The following DGKI variants were observed in gnomAD, a reference collection of about 807,000 sequenced individuals.
DGKI encodes diacylglycerol kinase iota.
In DGKI, 55 loss-of-function variants were observed where a neutral mutation model predicts 147.5. That is an observed-to-expected ratio of 0.37 (90% CI 0.30 to 0.47). DGKI has a LOEUF of 0.47. Among genes scored for constraint, DGKI ranks in the 20% least tolerant of loss-of-function variants. The pLI, the probability that DGKI is intolerant of heterozygous loss-of-function variation, is 1.00. For synonymous variants in DGKI, 469 were observed against 477.1 expected, an observed-to-expected ratio of 0.98 and a Z score of 0.22; for missense variants, 1,007 against 1,323.8, an observed-to-expected ratio of 0.76 and a Z score of 3.71.
chr7:137,753,841 A>C (rs2116770474), intron 1 of DGKI, among the ~76,000 whole-genome samples: 1 of 152,276 alleles, frequency 6.6e-6, no homozygotes, highest in Non-Finnish European at 1.5e-5. Context: ...TTTGAGAGTA[A>C]ATGCCACCAG....
chr7:137,447,389 T>C (rs969809686), intron 27 of DGKI, among the ~76,000 whole-genome samples: 1 of 151,958 alleles, frequency 6.6e-6, no homozygotes, highest in Non-Finnish European at 1.5e-5. Context: ...TATATAATGA[T>C]CAAAATATAT....
rs1811062307 is a variant in DGKI, at chr7:137,381,590, A to C, written c.*9630T>G. 6.6e-6 allele frequency: 1 copy of C among 151,946 alleles called. No individual in the cohort carries two copies. Among genetic ancestry groups the C allele is most frequent in the South Asian group, 2.1e-4 (1 of 4,810 alleles). The allele number at this position is 151,946 out of a possible 1,614,324, so 9.4% of individuals were successfully genotyped here. A position where few individuals can be genotyped will look rare whatever the true frequency, so the allele number is the denominator to read the frequency against. On this transcript the variant is annotated 3_prime_UTR_variant, in exon 33 of 33. Transcript: ENST00000614521. ...GTTTTCCCACTCAGAAATCAAATTA[A>C]ATCAAATATATTCATTCTTTTAGAA...
intron 1 of DGKI, among the ~76,000 whole-genome samples, chr7:137,736,714 CAAA>C (rs1340898130): frequency 6.6e-6 from 1 of 151,954 alleles, no homozygotes; most frequent in African/African-American, 2.4e-5. Flanking sequence ...CTGTGGGTTA[CAAA>C]AATAGCATAA....
At chr7:137,746,774 G>A (rs1172684761) in intron 1 of DGKI, among the ~76,000 whole-genome samples, 2 of 152,010 alleles carry the variant, frequency 1.3e-5, no homozygotes, top group Admixed American at 6.6e-5. Context: ...GCTGTTCCTT[G>A]GGTTTGGCTG....
chr7:137,737,222 AAAAAT>A (rs1270948068), intron 1 of DGKI, among the ~76,000 whole-genome samples: 4 of 151,310 alleles, frequency 2.6e-5, no homozygotes, highest in African/African-American at 9.7e-5. Context: ...AAAAAAAAAA[AAAAAT>A]ACATACAAAT....
chr7:137,532,864 A>C (rs1817388684), intron 20 of DGKI, among the ~76,000 whole-genome samples: 1 of 152,212 alleles, frequency 6.6e-6, no homozygotes, highest in Non-Finnish European at 1.5e-5. Flanking sequence ...TGACAGAATA[A>C]AGACATTTCT....
At chr7:137,450,837 A>G (rs546585306) in intron 27 of DGKI, among the ~76,000 whole-genome samples, 1 of 151,860 alleles carries the variant, frequency 6.6e-6, no homozygotes. Flanking sequence ...ATGAATCTTG[A>G]TCTGAATATT....
At chr7:137,410,341 C>G (rs905773014) in intron 29 of DGKI, among the ~76,000 whole-genome samples, 1 of 152,160 alleles carries the variant, frequency 6.6e-6, no homozygotes, top group Non-Finnish European at 1.5e-5. Flanking sequence ...GGAGGCGGAG[C>G]TTGCAGTGAG....
At chr7:137,463,713 A>G in intron 26 of DGKI, 102 bp from the exon 27 acceptor site, 1 of 1,378,396 alleles carries the variant, frequency 7.3e-7, no homozygotes, top group Non-Finnish European at 9.9e-7. Context: ...TGTGAGAAGC[A>G]AAATTCATCT....
intron 32 of DGKI, among the ~76,000 whole-genome samples, chr7:137,391,593 C>A (rs1022305415): frequency 6.6e-6 from 1 of 151,586 alleles, no homozygotes; most frequent in Non-Finnish European, 1.5e-5. Context: ...TCACTTTTGA[C>A]GGGTGGGGTT....
chr7:137,670,276 C>A (rs1822796037), intron 3 of DGKI, among the ~76,000 whole-genome samples: 1 of 152,198 alleles, frequency 6.6e-6, no homozygotes, highest in African/African-American at 2.4e-5. Context: ...CCCTTGGCTT[C>A]ATAGCCTACA....
At chr7:137,655,165 G>C (rs1822172868) in intron 4 of DGKI, among the ~76,000 whole-genome samples, 1 of 151,478 alleles carries the variant, frequency 6.6e-6, no homozygotes, top group South Asian at 2.1e-4. Flanking sequence ...AGTTTTTTTA[G>C]TATTATGACA....
chr7:137,573,827 G>A (rs548999517), intron 17 of DGKI, among the ~76,000 whole-genome samples: 5 of 152,306 alleles, frequency 3.3e-5, no homozygotes, highest in East Asian at 1.9e-4. Context: ...ATCTGCTAGC[G>A]CTTTCTGCAA....
intron 8 of DGKI, among the ~76,000 whole-genome samples, chr7:137,613,814 C>CT (rs1820443713): frequency 6.6e-6 from 1 of 152,034 alleles, no homozygotes; most frequent in Admixed American, 6.6e-5. Context: ...CCCCAAGAAT[C>CT]TTTTTTTACT....
At chr7:137,404,587 T>C (rs1811873155) in intron 30 of DGKI, among the ~76,000 whole-genome samples, 1 of 152,180 alleles carries the variant, frequency 6.6e-6, no homozygotes, top group Admixed American at 6.5e-5. Flanking sequence ...CTTCCTGTGC[T>C]ATTAGAGATC....
At chr7:137,723,988 G>A (rs955018287) in intron 1 of DGKI, among the ~76,000 whole-genome samples, 21 of 152,158 alleles carry the variant, frequency 1.4e-4, no homozygotes, top group African/African-American at 5.1e-4. Context: ...GATTATAGGG[G>A]TGAGCCACTG....
At chr7:137,541,280 C>T (rs1563076079) in intron 20 of DGKI, among the ~76,000 whole-genome samples, 1 of 152,118 alleles carries the variant, frequency 6.6e-6, no homozygotes. Context: ...TGTGTATAAT[C>T]AGTTCTCCAT....
rs563924939 is a variant in DGKI at position 137,624,217 on chromosome 7, C to T, written c.805-663G>A. The stretch of plus-strand genomic sequence containing the variant: ...CATCCAGAACAGAAGAGGTGATTTT[C>T]GGCTGCTGCTGTCCCTAAATAATGG... On this transcript the variant is annotated intron_variant, in intron 6 of 32. Transcript: ENST00000614521. Among the ~76,000 whole-genome samples, 14 of 152,312 alleles carry T rather than the reference C, an allele frequency of 9.2e-5. No homozygotes were observed. In the East Asian group the frequency reaches 1.9e-3, roughly 21 times the overall value.
At position 137,846,157 on chromosome 7, in the gene DGKI, TCTCTCACACACACACA is replaced by T. The variant is rs1332547302; in HGVS notation, c.401+289_401+304del. 2.2e-5 allele frequency among the ~76,000 whole-genome samples: 3 copies of T among 138,516 alleles called. No individual in the cohort carries two copies. The highest frequency in any genetic ancestry group is 3.1e-5 in the Non-Finnish European group (2 of 65,500). 90.9% of individuals were successfully genotyped at this position (138,516 alleles called of 152,430 possible). A position where few individuals can be genotyped will look rare whatever the true frequency, so the allele number is the denominator to read the frequency against. On this transcript the variant is annotated intron_variant, in intron 1 of 32. Coordinates refer to ENST00000614521, the MANE Select transcript of DGKI (RefSeq NM_001321708.2). This position sits in a 1 kb window ranked among gnomAD's most constrained non-coding sequence, Gnocchi z 4.0. ...CTTTCTCTCTCTCTCTCTCTCTCTC[TCTCTCACACACACACA>T]CACACACACACACACACACACACAC... is the stretch of plus-strand genomic sequence containing the variant.
Sources: allele counts gnomAD v4.1 joint callset (sites outside exome capture counted in the v4.1 genomes callset), GRCh38; gene constraint gnomAD v4.1.1; non-coding constraint Gnocchi (gnomAD v3.1); transcripts MANE v1.5; gene names NCBI Gene and HGNC (gene_info 2026-07-23, HGNC 2026-07-21).